Variants in CDC73 observed in about 807,000 individuals in gnomAD.
The protein encoded by CDC73 is cell division cycle 73.
A neutral mutation model predicts 83.7 loss-of-function variants in CDC73; 21 were observed. That is an observed-to-expected ratio of 0.25 (90% CI 0.18 to 0.36). The LOEUF (loss-of-function observed/expected upper bound fraction) is 0.36. Ranked by LOEUF, CDC73 falls within the 10% of genes least tolerant of loss-of-function variation. The pLI, the probability that CDC73 is intolerant of heterozygous loss-of-function variation, is 1.00. For synonymous variants in CDC73, 224 were observed against 212.9 expected, an observed-to-expected ratio of 1.05 and a Z score of -0.45; for missense variants, 342 against 653.3, an observed-to-expected ratio of 0.52 and a Z score of 5.19.
intron 10 of CDC73, among the ~76,000 whole-genome samples, chr1:193,154,148 G>A (rs1387853125): frequency 1.3e-5 from 2 of 152,158 alleles, no homozygotes; most frequent in Non-Finnish European, 1.5e-5. Flanking sequence ...ATTTCCCTAA[G>A]TGCGACAGAA....
chr1:193,190,407 T>C (rs1676899291), intron 10 of CDC73, among the ~76,000 whole-genome samples: 1 of 152,232 alleles, frequency 6.6e-6, no homozygotes, highest in African/African-American at 2.4e-5. Context: ...GTTTCCCCTT[T>C]TTGAAGAGAA....
chr1:193,139,601 T>C (rs945292754), intron 6 of CDC73, among the ~76,000 whole-genome samples: 2 of 152,250 alleles, frequency 1.3e-5, no homozygotes, highest in African/African-American at 4.8e-5. Context: ...TTTTCCTGCT[T>C]TATTACATAT....
chr1:193,204,372 C>T (rs954890036), intron 11 of CDC73, among the ~76,000 whole-genome samples: 1 of 150,856 alleles, frequency 6.6e-6, no homozygotes, highest in Admixed American at 6.6e-5. Context: ...TCACTGCAAG[C>T]TCCGCCTCCT....
At chr1:193,236,196 C>G in intron 14 of CDC73, 60 bp from the exon 15 acceptor site, 1 of 998,618 alleles carries the variant, frequency 1.0e-6, no homozygotes, top group Non-Finnish European at 1.6e-6. Context: ...AGCTAAAGCT[C>G]AAGTTTGAAA....
chr1:193,149,861 TCA>T (rs1676075377), intron 8 of CDC73, among the ~76,000 whole-genome samples: 3 of 152,198 alleles, frequency 2.0e-5, no homozygotes, highest in Non-Finnish European at 4.4e-5. Flanking sequence ...AAATACGTCT[TCA>T]GTCTTACTCT....
chr1:193,212,127 T>A (rs1388129660), intron 12 of CDC73, 27 bp downstream of exon 12: 1 of 1,549,390 alleles, frequency 6.5e-7, no homozygotes, highest in Non-Finnish European at 8.8e-7. Context: ...GATTTTAAAC[T>A]TAACTTTAAA....
chr1:193,127,129 G>A (rs1675590347), intron 2 of CDC73, among the ~76,000 whole-genome samples: 1 of 151,966 alleles, frequency 6.6e-6, no homozygotes, highest in South Asian at 2.1e-4. Flanking sequence ...AATTAGTCAG[G>A]CGTGGTAGTG....
rs185044879 is a variant in CDC73, at chr1:193,180,243, A to G, written c.973-23552A>G. 11 of 1,478,224 alleles carry G rather than the reference A, an allele frequency of 7.4e-6. No homozygotes were observed. The Admixed American group carries it at 1.8e-4, about 24-fold the overall frequency. The allele number at this position is 1,478,224 out of a possible 1,614,324, so 91.6% of individuals were successfully genotyped here. ...CGGATGTAATCAGTTCTAACTATAC[A>G]TGCTTTTAGCAATATTTACAAATTG... is the stretch of plus-strand genomic sequence containing the variant. On this transcript the variant is annotated intron_variant, in intron 10 of 16. Coordinates refer to ENST00000367435, the MANE Select transcript of CDC73 (RefSeq NM_024529.5).
At position 193,134,245 on chromosome 1, in the gene CDC73, CTTTATA is replaced by C. The variant is rs1204583320; in HGVS notation, c.308-1143_308-1138del. Among the ~76,000 whole-genome samples, 10 of 152,008 alleles carry C rather than the reference CTTTATA, an allele frequency of 6.6e-5. No homozygotes were observed. The East Asian group carries it at 1.9e-3, about 29-fold the overall frequency. On this transcript the variant is annotated intron_variant, in intron 3 of 16. Coordinates refer to ENST00000367435, the MANE Select transcript of CDC73 (RefSeq NM_024529.5). ...TTTATATATTTATGAAAACTTGTGA[CTTTATA>C]TTAATATATTATTGTGCCATTGTTC...
chr1:193,183,575 T>C (rs1466354517), intron 10 of CDC73, among the ~76,000 whole-genome samples: 2 of 151,310 alleles, frequency 1.3e-5, no homozygotes, highest in Non-Finnish European at 3.0e-5. Flanking sequence ...ACTCAGTGTT[T>C]TCCTTCTTGT....
chr1:193,210,686 C>T (rs1005159404), intron 11 of CDC73, among the ~76,000 whole-genome samples: 3 of 152,010 alleles, frequency 2.0e-5, no homozygotes, highest in East Asian at 3.9e-4. Flanking sequence ...CTCAGGAGTT[C>T]GAGATCAACC....
chr1:193,203,633 T>A (rs1297726778), intron 10 of CDC73, among the ~76,000 whole-genome samples, 162 bp from the exon 11 acceptor site: 1 of 152,192 alleles, frequency 6.6e-6, no homozygotes, highest in Non-Finnish European at 1.5e-5. Context: ...TCATTTTTAT[T>A]TTTTTCTTAA....
intron 4 of CDC73, 25 bp from the exon 5 acceptor site, chr1:193,135,512 T>C: frequency 6.2e-7 from 1 of 1,612,664 alleles, no homozygotes; most frequent in South Asian, 1.1e-5. Context: ...AACTACACAT[T>C]TATTTACTTC....
At chr1:193,198,152 G>A (rs1677033403) in intron 10 of CDC73, among the ~76,000 whole-genome samples, 1 of 152,178 alleles carries the variant, frequency 6.6e-6, no homozygotes, top group African/African-American at 2.4e-5. Context: ...ATCAAGATTG[G>A]AGGAGTAGTA....
intron 10 of CDC73, among the ~76,000 whole-genome samples, chr1:193,164,034 G>A (rs1292196958): frequency 1.3e-5 from 2 of 152,204 alleles, no homozygotes; most frequent in African/African-American, 4.8e-5. Context: ...GCCTCCCAAA[G>A]TGCTGGGATT....
In CDC73 at chr1:193,252,096, A is replaced by G. The variant is rs1678052813; in HGVS notation, c.*1384A>G. On this transcript the variant is annotated 3_prime_UTR_variant, in exon 17 of 17. Transcript: ENST00000367435. ...AAGTTATTATTTTTTAAGTGATCACATAGTTCATACCACTAGTAACTAGAA... is the reference window on the plus strand; with the variant it reads ...AAGTTATTATTTTTTAAGTGATCACGTAGTTCATACCACTAGTAACTAGAA... 1 of 231,414 alleles carries G rather than the reference A, an allele frequency of 4.3e-6. No homozygotes were observed. The highest frequency in any genetic ancestry group is 6.1e-5 in the East Asian group (1 of 16,334). 14.3% of individuals were successfully genotyped at this position (231,414 alleles called of 1,614,324 possible). A position where few individuals can be genotyped will look rare whatever the true frequency, so the allele number is the denominator to read the frequency against.
chr1:193,139,049 C>T (rs1384277429), intron 6 of CDC73, among the ~76,000 whole-genome samples: 4 of 152,172 alleles, frequency 2.6e-5, no homozygotes, highest in African/African-American at 7.2e-5. Flanking sequence ...GCTGGGATTA[C>T]AGGCGTGAGC....
chr1:193,241,532 G>A (rs1359896976), intron 15 of CDC73, among the ~76,000 whole-genome samples: 1 of 152,214 alleles, frequency 6.6e-6, no homozygotes. Flanking sequence ...TCTGGGCAGT[G>A]GGCAATGGCA....
Position 193,147,994 on chromosome 1 carries a change from A to T in CDC73, c.828+29A>T, listed in dbSNP as rs138541554. Reference sequence around the variant, plus strand: ...AGAATGCTTTACTGCTTTACAGTAGATTTAATGAAGTTGCCACTTATATTG... The same window carrying T: ...AGAATGCTTTACTGCTTTACAGTAGTTTTAATGAAGTTGCCACTTATATTG... On this transcript the variant is annotated intron_variant, in intron 8 of 16. Coordinates refer to ENST00000367435, the MANE Select transcript of CDC73 (RefSeq NM_024529.5). The T allele has an allele frequency of 0.013, 18,862 of 1,462,672 alleles. 217 individuals are homozygous for T. Among genetic ancestry groups the T allele is most frequent in the South Asian group, 0.038 (3,345 of 87,568 alleles). The allele number at this position is 1,462,672 out of a possible 1,614,324, so 90.6% of individuals were successfully genotyped here.
Sources: gnomAD v4.1 joint callset for allele counts (sites outside exome capture counted in the v4.1 genomes callset) on GRCh38, gnomAD v4.1.1 for gene constraint, MANE v1.5 for transcripts, NCBI Gene and HGNC (gene_info 2026-07-23, HGNC 2026-07-21) for gene names.